Variants in ABCB9 observed in about 807,000 individuals in gnomAD.
The protein encoded by ABCB9 is ATP binding cassette subfamily B member 9, also known as ABC-type oligopeptide transporter ABCB9.
ABCB9 carries 36 observed loss-of-function variants against 62.0 expected under a neutral mutation model. That is an observed-to-expected ratio of 0.58 (90% CI 0.45 to 0.77). The LOEUF is 0.77. ABCB9 is among the 30% of genes least tolerant of loss of function. ABCB9 has a pLI of 0.00. For synonymous variants in ABCB9, 435 were observed against 461.4 expected (o/e 0.94, Z 0.73); for missense variants, 943 against 1,054.7 (o/e 0.89, Z 1.47).
At chr12:122,949,741 G>A in intron 4 of ABCB9, 47 bp downstream of exon 4, 1 of 1,609,378 alleles carries the variant, frequency 6.2e-7, no homozygotes, top group East Asian at 2.2e-5. Context: ...AAGCCCACAG[G>A]GGTGGGGCCC....
At chr12:122,961,585 G>C (rs913022235) in intron 1 of ABCB9, among the ~76,000 whole-genome samples, 13 of 152,186 alleles carry the variant, frequency 8.5e-5, no homozygotes, top group Non-Finnish European at 1.3e-4. Flanking sequence ...CTGCCAAGTG[G>C]CTATCTGGGG....
downstream of ABCB9, chr12:122,924,491 A>C: frequency 1.3e-6 from 1 of 757,958 alleles, no homozygotes; most frequent in Non-Finnish European, 1.8e-6. Context: ...AAGCCTCCCG[A>C]GTAGCTGGAA....
rs1365526907 is a variant in ABCB9 at position 122,940,907 on chromosome 12, A to G, written c.1469T>C (p.Val490Ala). The G allele has an allele frequency of 1.2e-6, 2 of 1,612,358 alleles. No individual in the cohort carries two copies. Among genetic ancestry groups the G allele is most frequent in the African/African-American group, 1.3e-5 (1 of 75,004 alleles). The change falls in exon 8 of 12, where the codon GTG (valine) becomes GCG (alanine). Residue 490 changes from valine (V) to alanine (A), a missense_variant. Transcript: ENST00000280560. The surrounding 1 kb of genome is among the most constrained non-coding windows in gnomAD (Gnocchi z 4.8). ...GTCGGGGGCCAAGCTGCCATCGTGC[A>G]CCATGGTCGGCTGCCGGTCGATGAA... Reference protein sequence around the residue: ...FEFIDRQPTMVHDGSLAPDHL... With the variant: ...FEFIDRQPTMAHDGSLAPDHL...
At chr12:122,974,695 G>C (rs960114352) in intron 1 of ABCB9, 6 of 152,370 alleles carry the variant, frequency 3.9e-5, no homozygotes, top group African/African-American at 1.4e-4. Flanking sequence ...GAGACGGAGC[G>C]TTTTGGTGGA....
In ABCB9 at chr12:122,935,306, G is replaced by A; in HGVS notation, c.1869C>T (p.Gly623=). ...AGCCGTCCTGGAGTTCCATGATGAA[G>A]CCGTGGGCATTGGCCTTCTGTGCGG... The part of the protein sequence containing the change: ...VEAAQKANAH[G]FIMELQDGYS... Residue 623 remains glycine, a synonymous_variant, in exon 10 of 12, where the codon GGC becomes GGT. Transcript: ENST00000280560. The A allele has an allele frequency of 6.2e-7, 1 of 1,613,004 alleles. No homozygotes were observed. Among genetic ancestry groups the A allele is most frequent in the Non-Finnish European group, 8.5e-7 (1 of 1,179,512 alleles).
Position 122,930,159 on chromosome 12 carries a change from T to C in ABCB9, c.2053A>G (p.Ile685Val). Residue 685 changes from isoleucine (I) to valine (V), a missense_variant, in exon 12 of 12, where the codon ATC (isoleucine) becomes GTC (valine). Transcript: ENST00000280560. This position sits in a 1 kb window ranked among gnomAD's most constrained non-coding sequence, Gnocchi z 4.9. The part of the protein sequence containing the change: ...AESEYLIQQA[I>V]HGNLQKHTVL... The stretch of plus-strand genomic sequence containing the variant: ...GTGTGCTTCTGCAGGTTGCCATGGA[T>C]GGCCTGCTGGATCTGCGGGGACAGT... 1 of 1,548,194 alleles carries C rather than the reference T, an allele frequency of 6.5e-7. No individual in the cohort carries two copies. Among genetic ancestry groups the C allele is most frequent in the Non-Finnish European group, 8.7e-7 (1 of 1,144,528 alleles).
At chr12:122,939,223 T>C (rs1337739453) in intron 9 of ABCB9, among the ~76,000 whole-genome samples, 3 of 152,040 alleles carry the variant, frequency 2.0e-5, no homozygotes, top group African/African-American at 7.2e-5. Context: ...CATAAATAAT[T>C]GTGATAAACA....
At position 122,940,838 on chromosome 12, in the gene ABCB9, T is replaced by G. The variant is rs1324369281; in HGVS notation, c.1538A>C (p.Tyr513Ser). Residue 513 changes from tyrosine to serine, a missense_variant, in exon 8 of 12, where the codon TAC becomes TCC. Coordinates refer to ENST00000280560, the MANE Select transcript of ABCB9 (RefSeq NM_019625.4). The surrounding 1 kb of genome is among the most constrained non-coding windows in gnomAD (Gnocchi z 4.8). ...RVDFENVTFT[Y>S]RTRPHTQVLQ... ...GACCTGGGTGTGGGGCCGAGTGCGG[T>G]AGGTGAAGGTCACATTCTCAAAGTC... 5 of 1,604,054 alleles carry G rather than the reference T, an allele frequency of 3.1e-6. No individual in the cohort carries two copies. Among genetic ancestry groups the G allele is most frequent in the Non-Finnish European group, 4.3e-6 (5 of 1,172,888 alleles).
chr12:122,961,512 G>A (rs547994558), intron 1 of ABCB9, among the ~76,000 whole-genome samples: 11 of 152,230 alleles, frequency 7.2e-5, no homozygotes, highest in Middle Eastern at 6.8e-3. Flanking sequence ...TTTAAATAGG[G>A]GGCCAGAGAA....
intron 6 of ABCB9, among the ~76,000 whole-genome samples, chr12:122,945,124 G>A (rs982570819): frequency 1.2e-4 from 18 of 152,232 alleles, no homozygotes; most frequent in Non-Finnish European, 2.6e-4. Context: ...CCCCCTGCCA[G>A]CAGACGGATT....
In ABCB9 at chr12:122,959,892, C is replaced by G. The variant is rs867370739; in HGVS notation, c.344G>C (p.Trp115Ser). ...SEVRRPIRDP[W>S]FWALFVWTYI... ...CGTCCACACGAACAGGGCCCAAAACCAGGGGTCCCGGATGGGCCTGCGCAC... is the reference window on the plus strand; with the variant it reads ...CGTCCACACGAACAGGGCCCAAAACGAGGGGTCCCGGATGGGCCTGCGCAC... Residue 115 changes from tryptophan (W) to serine (S), a missense_variant, in exon 2 of 12, where the codon TGG (tryptophan) becomes TCG (serine). By Grantham distance (177) the Trp-to-Ser change is radical. Transcript: ENST00000280560. The surrounding 1 kb of genome is among the most constrained non-coding windows in gnomAD (Gnocchi z 5.4). 6.2e-7 allele frequency: 1 copy of G among 1,613,526 alleles called. No individual in the cohort carries two copies. Among genetic ancestry groups the G allele is most frequent in the Middle Eastern group, 1.6e-4 (1 of 6,062 alleles).
intron 1 of ABCB9, among the ~76,000 whole-genome samples, chr12:122,961,073 A>T (rs919352458): frequency 3.3e-4 from 50 of 151,134 alleles, no homozygotes; most frequent in African/African-American, 9.7e-4. Flanking sequence ...AAAAAAAAAA[A>T]TTTTTTTTAA....
At chr12:122,927,629 C>A (rs2034943425), downstream of ABCB9, among the ~76,000 whole-genome samples, 1 of 152,196 alleles carries the variant, frequency 6.6e-6, no homozygotes, top group Admixed American at 6.5e-5. Context: ...ATCTGGAATT[C>A]TCAGCCTGAA....
At chr12:122,925,020 A>AATCC (rs1221049435), downstream of ABCB9, among the ~76,000 whole-genome samples, 1 of 152,054 alleles carries the variant, frequency 6.6e-6, no homozygotes, top group Non-Finnish European at 1.5e-5. Flanking sequence ...GAGTTCAAGC[A>AATCC]ATCCTCCCAC....
intron 1 of ABCB9, among the ~76,000 whole-genome samples, chr12:122,965,696 C>T (rs1426459001): frequency 6.6e-6 from 1 of 151,890 alleles, no homozygotes; most frequent in East Asian, 1.9e-4. Context: ...CAGCTTAAAG[C>T]TGTCTCAGTT....
chr12:122,950,056 CCT>C, intron 3 of ABCB9, 138 bp from the exon 4 acceptor site: 1 of 1,210,526 alleles, frequency 8.3e-7, no homozygotes, highest in Non-Finnish European at 1.2e-6. Context: ...GCGGGGTCCC[CCT>C]CATTCCCAGT....
chr12:122,919,871 C>CTGTT (rs564917695), downstream of ABCB9, among the ~76,000 whole-genome samples: 437 of 135,304 alleles, frequency 3.2e-3, 2 homozygotes, highest in South Asian at 0.023. Context: ...GGTGACTCAT[C>CTGTT]TGTTTGTTTG....
chr12:122,938,899 C>A (rs964955008), intron 9 of ABCB9, among the ~76,000 whole-genome samples: 2 of 151,714 alleles, frequency 1.3e-5, no homozygotes, highest in South Asian at 4.2e-4. Flanking sequence ...CAGCGAGGCA[C>A]GGTGGCTCAC....
chr12:122,953,427 G>A (rs564504251), intron 2 of ABCB9, among the ~76,000 whole-genome samples: 10 of 151,440 alleles, frequency 6.6e-5, no homozygotes, highest in African/African-American at 1.9e-4. Flanking sequence ...GCACTCCGTC[G>A]CCCAGGCTGG....
Sources: gnomAD v4.1 joint callset for allele counts (sites outside exome capture counted in the v4.1 genomes callset) on GRCh38, gnomAD v4.1.1 for gene constraint, Gnocchi (gnomAD v3.1) non-coding constraint, MANE v1.5 for transcripts, NCBI Gene and HGNC (gene_info 2026-07-23, HGNC 2026-07-21) for gene names.